The following SNX4 variants were observed in gnomAD, a reference collection of about 807,000 sequenced individuals.
SNX4 encodes the protein sorting nexin-4.
Under a neutral mutation model 70.8 loss-of-function variants are expected in SNX4, and 49 were observed. The observed-to-expected ratio is 0.69, with a 90% CI of 0.55 to 0.88. SNX4 has a LOEUF of 0.88. SNX4 is among the 40% of genes least tolerant of loss of function. The pLI, the probability that SNX4 is intolerant of heterozygous loss-of-function variation, is 0.00. For synonymous variants in SNX4, 206 were observed against 183.8 expected (o/e 1.12, Z -0.98); for missense variants, 528 against 544.8 (o/e 0.97, Z 0.31).
At chr3:125,495,285 C>CACACACAT (rs1553727806) in intron 5 of SNX4, among the ~76,000 whole-genome samples, 18 of 61,812 alleles carry the variant, frequency 2.9e-4, no homozygotes, top group African/African-American at 7.7e-4. Flanking sequence ...TATACACATA[C>CACACACAT]ACACACACAC....
chr3:125,470,858 A>C (rs1436256398), intron 8 of SNX4, among the ~76,000 whole-genome samples: 1 of 152,126 alleles, frequency 6.6e-6, no homozygotes, highest in African/African-American at 2.4e-5. Flanking sequence ...CCAAGCTAAA[A>C]AAAGGTTTGA....
At chr3:125,514,133 A>G (rs1432145016) in intron 1 of SNX4, among the ~76,000 whole-genome samples, 3 of 152,058 alleles carry the variant, frequency 2.0e-5, no homozygotes, top group African/African-American at 7.2e-5. Context: ...CACCATCACA[A>G]TGGGATTAGG....
At chr3:125,515,058 A>G (rs535882102) in intron 1 of SNX4, among the ~76,000 whole-genome samples, 1 of 152,338 alleles carries the variant, frequency 6.6e-6, no homozygotes, top group South Asian at 2.1e-4. Flanking sequence ...ACAATCACAT[A>G]TTAAAGTATG....
At chr3:125,508,055 T>C (rs1935088736) in intron 1 of SNX4, among the ~76,000 whole-genome samples, 1 of 152,056 alleles carries the variant, frequency 6.6e-6, no homozygotes. Flanking sequence ...TGCTAGAAAT[T>C]AAAAGAAGAT....
chr3:125,500,620 T>C (rs886935697), intron 2 of SNX4, among the ~76,000 whole-genome samples: 2 of 151,728 alleles, frequency 1.3e-5, no homozygotes, highest in African/African-American at 2.4e-5. Flanking sequence ...GCTAACACAG[T>C]GAAACCCCGT....
At chr3:125,496,031 A>G (rs1934784983) in intron 5 of SNX4, among the ~76,000 whole-genome samples, 1 of 152,214 alleles carries the variant, frequency 6.6e-6, no homozygotes, top group Non-Finnish European at 1.5e-5. Context: ...AGCTAGGCAC[A>G]GTAAAACTAG....
intron 13 of SNX4, among the ~76,000 whole-genome samples, chr3:125,450,039 G>GTT (rs760329986): frequency 6.6e-6 from 1 of 152,094 alleles, no homozygotes; most frequent in African/African-American, 2.4e-5. Flanking sequence ...GAGCCCAGGA[G>GTT]TTTAAGATCA....
At chr3:125,474,909 G>C (rs1934257328) in intron 8 of SNX4, among the ~76,000 whole-genome samples, 3 of 152,196 alleles carry the variant, frequency 2.0e-5, no homozygotes, top group South Asian at 4.1e-4. Flanking sequence ...AAGCTTAATT[G>C]GGTTCCAGTT....
At chr3:125,488,432 G>A (rs1018362350) in intron 6 of SNX4, among the ~76,000 whole-genome samples, 6 of 151,946 alleles carry the variant, frequency 3.9e-5, no homozygotes, top group African/African-American at 9.7e-5. Context: ...CAGGGATCAC[G>A]CCACTACACT....
intron 11 of SNX4, among the ~76,000 whole-genome samples, chr3:125,456,897 G>A (rs1194120748): frequency 6.6e-6 from 1 of 152,010 alleles, no homozygotes; most frequent in African/African-American, 2.4e-5. Context: ...CTGACCTCAG[G>A]TGATCCACTG....
intron 1 of SNX4, among the ~76,000 whole-genome samples, chr3:125,515,222 T>C (rs1195729946): frequency 6.6e-6 from 1 of 151,684 alleles, no homozygotes; most frequent in African/African-American, 2.4e-5. Context: ...CGTGGTGGCG[T>C]GTGCCTATAG....
chr3:125,510,451 G>A (rs969655798), intron 1 of SNX4, among the ~76,000 whole-genome samples: 1 of 151,802 alleles, frequency 6.6e-6, no homozygotes, highest in East Asian at 1.9e-4. Flanking sequence ...GCATGGTCTC[G>A]ATCTCCTGAC....
chr3:125,449,692 T>C (rs547536478), intron 13 of SNX4, among the ~76,000 whole-genome samples: 41 of 152,296 alleles, frequency 2.7e-4, no homozygotes, highest in African/African-American at 9.4e-4. Flanking sequence ...TCCAACAGTA[T>C]GTCCAAATAC....
chr3:125,512,661 T>G (rs1935193921), intron 1 of SNX4, among the ~76,000 whole-genome samples: 3 of 152,164 alleles, frequency 2.0e-5, no homozygotes. Context: ...TTTATTTTAT[T>G]TTTAAATATT....
At chr3:125,474,257 T>G (rs1318885749) in intron 8 of SNX4, among the ~76,000 whole-genome samples, 1 of 152,202 alleles carries the variant, frequency 6.6e-6, no homozygotes, top group South Asian at 2.1e-4. Flanking sequence ...TTAAATTACC[T>G]CAACCACCTC....
At chr3:125,507,626 A>G (rs189675259) in intron 1 of SNX4, among the ~76,000 whole-genome samples, 1 of 152,360 alleles carries the variant, frequency 6.6e-6, no homozygotes, top group East Asian at 1.9e-4. Context: ...AGCAAGACAG[A>G]AGCAACTGAT....
At chr3:125,460,890 T>TAA (rs772002196) in intron 9 of SNX4, 30 bp from the exon 10 acceptor site, 5 of 1,110,192 alleles carry the variant, frequency 4.5e-6, no homozygotes, top group African/African-American at 1.6e-5. Flanking sequence ...ACACATTGCA[T>TAA]AGAGTTACTT....
At position 125,520,143 on chromosome 3, in the gene SNX4, C is replaced by A; in HGVS notation, c.30G>T (p.Arg10=). MEQAPPDPE[R]QLQPAPLEPL... is the part of the protein sequence containing the mutation. Reference sequence around the variant, plus strand: ...GCTCCAAGGGCGCCGGCTGGAGCTGCCGCTCGGGGTCCGGAGGTGCCTGCT... The same window carrying A: ...GCTCCAAGGGCGCCGGCTGGAGCTGACGCTCGGGGTCCGGAGGTGCCTGCT... The change falls in exon 1 of 14, where the codon CGG becomes CGT. Residue 10 remains arginine (R), a synonymous_variant. Transcript: ENST00000251775. 1 of 1,448,476 alleles carries A rather than the reference C, an allele frequency of 6.9e-7. No homozygotes were observed. The allele number at this position is 1,448,476 out of a possible 1,614,324, so 89.7% of individuals were successfully genotyped here. A position where few individuals can be genotyped will look rare whatever the true frequency, so the allele number is the denominator to read the frequency against.
intron 5 of SNX4, 65 bp downstream of exon 5, chr3:125,497,276 T>C (rs1269121374): frequency 3.3e-6 from 3 of 908,916 alleles, no homozygotes; most frequent in Admixed American, 2.5e-5. Context: ...AAGTTCCCAA[T>C]GAGTGCATGG....
Sources: gnomAD v4.1 joint callset for allele counts (sites outside exome capture counted in the v4.1 genomes callset) on GRCh38, gnomAD v4.1.1 for gene constraint, MANE v1.5 for transcripts, NCBI Gene and HGNC (gene_info 2026-07-23, HGNC 2026-07-21) for gene names.